Variants in NGEF observed in about 807,000 individuals in gnomAD.
The protein encoded by NGEF is ephexin-1.
NGEF carries 31 observed loss-of-function variants against 80.9 expected under a neutral mutation model. The ratio of observed to expected loss-of-function variants is 0.38; its 90% CI spans 0.29 to 0.52. The LOEUF is 0.52. NGEF is among the 20% of genes least tolerant of loss of function. The probability of loss-of-function intolerance (pLI) is 0.84; values close to 1 mark genes in which losing one functional copy is unlikely to be tolerated. For missense variants in NGEF, 709 were observed against 926.2 expected, an observed-to-expected ratio of 0.77 and a Z score of 3.04; for synonymous variants, 371 against 370.2, an observed-to-expected ratio of 1.00 and a Z score of -0.03.
intron 1 of NGEF, among the ~76,000 whole-genome samples, chr2:233,009,051 C>A (rs892052548): frequency 5.9e-5 from 9 of 152,162 alleles, no homozygotes; most frequent in Non-Finnish European, 1.2e-4. Context: ...CCCACCTTGG[C>A]CTCCAAAAAT....
At chr2:232,999,127 G>A (rs1411622329) in intron 1 of NGEF, among the ~76,000 whole-genome samples, 3 of 152,250 alleles carry the variant, frequency 2.0e-5, no homozygotes, top group Middle Eastern at 6.8e-3. Flanking sequence ...TCCCACATCT[G>A]AGCAGTGATA....
intron 5 of NGEF, among the ~76,000 whole-genome samples, chr2:232,908,906 C>A (rs1178087678): frequency 6.6e-6 from 1 of 152,134 alleles, no homozygotes; most frequent in East Asian, 1.9e-4. Flanking sequence ...TACATGAAAA[C>A]AACTAATTTT....
At chr2:232,907,585 A>C (rs1349883984) in intron 5 of NGEF, among the ~76,000 whole-genome samples, 2 of 152,230 alleles carry the variant, frequency 1.3e-5, no homozygotes. Flanking sequence ...CACATTATTC[A>C]ACTACGAAAT....
rs116176456 is a variant in NGEF at position 232,901,503 on chromosome 2, G to A, written c.829-6587C>T. 582 of 926,106 alleles carry A rather than the reference G, an allele frequency of 6.3e-4. 2 individuals are homozygous for A. In the African/African-American group the frequency reaches 9.7e-3, roughly 15 times the overall value. 57.4% of individuals were successfully genotyped at this position (926,106 alleles called of 1,614,324 possible). On this transcript the variant is annotated intron_variant, in intron 5 of 14. Transcript: ENST00000264051. ...TCTCTGATGCTGTGACCTTCGATGC[G>A]TTGTTGCAGCTGCGTCACCAGGGTG...
chr2:232,885,646 CCCT>C (rs1412478635), intron 9 of NGEF: 2 of 446,430 alleles, frequency 4.5e-6, no homozygotes, highest in Middle Eastern at 6.3e-4. Context: ...CGTGAGGCAT[CCCT>C]CCTCCTCTGT....
chr2:232,937,385 CAT>C (rs1378610178), intron 3 of NGEF, among the ~76,000 whole-genome samples: 1 of 152,234 alleles, frequency 6.6e-6, no homozygotes, highest in Non-Finnish European at 1.5e-5. Context: ...TTTCCTCACA[CAT>C]GTCTGACCCC....
intron 1 of NGEF, among the ~76,000 whole-genome samples, chr2:233,004,135 C>T (rs967317077): frequency 3.9e-5 from 6 of 152,172 alleles, no homozygotes; most frequent in African/African-American, 1.4e-4. Context: ...CAGCCTCCCA[C>T]CTCACCTGCC....
At chr2:232,910,243 G>C (rs67267176) in intron 5 of NGEF, among the ~76,000 whole-genome samples, 25,744 of 151,404 alleles carry the variant, frequency 0.17, 2,671 homozygotes, top group Non-Finnish European at 0.22. Flanking sequence ...GGGGTGGGAG[G>C]GGGGTGGATG....
At position 232,977,884 on chromosome 2, in the gene NGEF, G is replaced by C. The variant is rs1694328390; in HGVS notation, c.-74-2920C>G. The stretch of plus-strand genomic sequence containing the variant: ...GGGAGGAATTGCAGGTCAGTGACTT[G>C]TGGTGGTTTTGAGAGCAGCGGACAA... On this transcript the variant is annotated intron_variant, in intron 1 of 14. Transcript: ENST00000264051. Among the ~76,000 whole-genome samples the C allele has an allele frequency of 5.3e-5, 8 of 152,194 alleles. No individual in the cohort carries two copies. The South Asian group carries it at 1.7e-3, about 31-fold the overall frequency.
At chr2:232,891,686 C>G (rs1691889558) in intron 7 of NGEF, among the ~76,000 whole-genome samples, 199 bp from the exon 8 acceptor site, 1 of 152,226 alleles carries the variant, frequency 6.6e-6, no homozygotes, top group African/African-American at 2.4e-5. Flanking sequence ...CTTCACATGC[C>G]TGGCCTTGAA....
intron 1 of NGEF, among the ~76,000 whole-genome samples, chr2:232,996,560 A>C (rs558016257): frequency 5.3e-5 from 8 of 152,234 alleles, no homozygotes; most frequent in African/African-American, 1.7e-4. Flanking sequence ...TGAATGTCCA[A>C]GTCCCTTTGT....
At chr2:232,993,967 G>A (rs971049842) in intron 1 of NGEF, among the ~76,000 whole-genome samples, 2 of 152,094 alleles carry the variant, frequency 1.3e-5, no homozygotes, top group African/African-American at 4.8e-5. Context: ...ATTTCTTTTG[G>A]GAAGGTGAGA....
At chr2:232,996,319 CT>C (rs1476194328) in intron 1 of NGEF, among the ~76,000 whole-genome samples, 1 of 152,072 alleles carries the variant, frequency 6.6e-6, no homozygotes, top group Non-Finnish European at 1.5e-5. Context: ...CAGAGTGAGG[CT>C]TTGTCTCAAG....
At position 232,922,097 on chromosome 2, in the gene NGEF, G is replaced by A. The variant is rs180802963; in HGVS notation, c.527-1512C>T. Among the ~76,000 whole-genome samples, 518 of 152,314 alleles carry A rather than the reference G, an allele frequency of 3.4e-3. 6 individuals carry two copies. The highest frequency in any genetic ancestry group is 3.5e-3 in the Non-Finnish European group (237 of 68,022). ...CTTGGGATAGTGGCCGAGGCCCCTC[G>A]ATATGTCTAACTATGAGACAAAGAT... On this transcript the variant is annotated intron_variant, in intron 4 of 14. Transcript: ENST00000264051.
At chr2:233,006,449 G>A (rs1695085360) in intron 1 of NGEF, among the ~76,000 whole-genome samples, 1 of 152,128 alleles carries the variant, frequency 6.6e-6, no homozygotes, top group Non-Finnish European at 1.5e-5. Context: ...TCAAAAGAAG[G>A]GGGCACCTCC....
chr2:233,012,450 G>T (rs750344542), intron 1 of NGEF, among the ~76,000 whole-genome samples: 1 of 152,220 alleles, frequency 6.6e-6, no homozygotes, highest in Non-Finnish European at 1.5e-5. Context: ...TTTCTGAAAG[G>T]GGCCCCTGAG....
At chr2:232,945,274 A>T (rs1251778652) in intron 3 of NGEF, among the ~76,000 whole-genome samples, 1 of 147,956 alleles carries the variant, frequency 6.8e-6, no homozygotes, top group African/African-American at 2.5e-5. Context: ...TTCTAGGACT[A>T]AAAAAAAAAG....
chr2:232,906,590 C>T (rs1467129468), intron 5 of NGEF, among the ~76,000 whole-genome samples: 4 of 55,392 alleles, frequency 7.2e-5, no homozygotes, highest in Admixed American at 6.0e-4. Flanking sequence ...TCCGGCCACC[C>T]CTACTGGGAA....
chr2:232,943,620 C>G (rs959995663), intron 3 of NGEF, among the ~76,000 whole-genome samples: 30 of 151,566 alleles, frequency 2.0e-4, no homozygotes, highest in African/African-American at 6.5e-4. Context: ...CTCAGCCTCC[C>G]GAGTAGCTGG....
Sources: allele counts gnomAD v4.1 joint callset (sites outside exome capture counted in the v4.1 genomes callset), GRCh38; gene constraint gnomAD v4.1.1; transcripts MANE v1.5; gene names NCBI Gene and HGNC (gene_info 2026-07-23, HGNC 2026-07-21).